Variants in CEP350 observed in about 807,000 individuals in gnomAD.
The protein encoded by CEP350 is centrosomal protein 350.
A neutral mutation model predicts 331.8 loss-of-function variants in CEP350; 126 were observed. That is an observed-to-expected ratio of 0.38 (90% CI 0.33 to 0.44). The LOEUF (loss-of-function observed/expected upper bound fraction) is 0.44, where lower values mean the gene tolerates loss of function less well. Among genes scored for constraint, CEP350 ranks in the 20% least tolerant of loss-of-function variants. The pLI is 1.00. For missense variants in CEP350, 3,406 were observed against 3,634.6 expected, an observed-to-expected ratio of 0.94 and a Z score of 1.62; for synonymous variants, 1,200 against 1,259.5, an observed-to-expected ratio of 0.95 and a Z score of 1.00.
intron 27 of CEP350, among the ~76,000 whole-genome samples, chr1:180,071,459 C>CAA (rs35037785): frequency 3.3e-4 from 25 of 76,190 alleles, no homozygotes; most frequent in African/African-American, 4.3e-4. Context: ...AACTCCATCT[C>CAA]AAAAAAAAAA....
chr1:179,992,340 C>G, intron 5 of CEP350, 119 bp downstream of exon 5: 2 of 711,502 alleles, frequency 2.8e-6, no homozygotes, highest in Non-Finnish European at 4.0e-6. Flanking sequence ...GTATAATACT[C>G]TAATATTACT....
rs770988896 is a variant in CEP350 at position 179,972,870 on chromosome 1, C to CT, written c.-13-13283dup. On this transcript the variant is annotated intron_variant, in intron 1 of 37. Coordinates refer to ENST00000367607, the MANE Select transcript of CEP350 (RefSeq NM_014810.5). ...CTAAATGGACACTGAGTGTATTTAA[C>CT]TTTTTTTTTTTTTTTTGAAACAGAG... Among the ~76,000 whole-genome samples the CT allele has an allele frequency of 2.7e-3, 365 of 136,888 alleles. 1 individual carries two copies. Among genetic ancestry groups the CT allele is most frequent in the Middle Eastern group, 4.0e-3 (1 of 248 alleles). 89.8% of individuals were successfully genotyped at this position (136,888 alleles called of 152,430 possible). A position where few individuals can be genotyped will look rare whatever the true frequency, so the allele number is the denominator to read the frequency against.
rs374010214 is a variant in CEP350, at chr1:180,043,014, C to A, written c.4363-42C>A. On this transcript the variant is annotated intron_variant, in intron 19 of 37. Transcript: ENST00000367607. ...GCTCCTTCTCAGTTCTCTGACCTTACGTTTTAATACATTTGCCTTTCTTGT... is the reference window on the plus strand; with the variant it reads ...GCTCCTTCTCAGTTCTCTGACCTTAAGTTTTAATACATTTGCCTTTCTTGT... 4 of 1,581,932 alleles carry A rather than the reference C, an allele frequency of 2.5e-6. No homozygotes were observed. In the African/African-American group the frequency reaches 4.1e-5, roughly 16 times the overall value.
At chr1:179,963,677 A>G (rs1160283352) in intron 1 of CEP350, among the ~76,000 whole-genome samples, 3 of 151,824 alleles carry the variant, frequency 2.0e-5, no homozygotes, top group Non-Finnish European at 2.9e-5. Flanking sequence ...TGGGTTCTCT[A>G]TTCTGTTACA....
intron 17 of CEP350, among the ~76,000 whole-genome samples, chr1:180,037,927 G>A (rs930053060): frequency 6.6e-6 from 1 of 152,176 alleles, no homozygotes; most frequent in African/African-American, 2.4e-5. Flanking sequence ...GGGATTACAG[G>A]TGTGAGCCAC....
intron 3 of CEP350, among the ~76,000 whole-genome samples, chr1:179,987,636 A>G (rs1336337787): frequency 6.6e-6 from 1 of 151,782 alleles, no homozygotes; most frequent in Admixed American, 6.6e-5. Flanking sequence ...CATATAAACT[A>G]TTAAAATTGG....
chr1:179,995,580 G>T (rs1474149791), intron 5 of CEP350, among the ~76,000 whole-genome samples: 1 of 152,284 alleles, frequency 6.6e-6, no homozygotes, highest in East Asian at 1.9e-4. Context: ...CTCCAGCCTG[G>T]GTGACAGAAT....
At chr1:180,055,546 C>CTTTTTTTT (rs71118430) in intron 25 of CEP350, among the ~76,000 whole-genome samples, 6 of 87,474 alleles carry the variant, frequency 6.9e-5, no homozygotes, top group East Asian at 3.8e-4. Flanking sequence ...TGAATTCCAT[C>CTTTTTTTT]TTTTTTTTTT....
At chr1:180,081,630 C>T (rs1659571026) in intron 30 of CEP350, among the ~76,000 whole-genome samples, 1 of 152,224 alleles carries the variant, frequency 6.6e-6, no homozygotes, top group Non-Finnish European at 1.5e-5. Context: ...TGTAGCCTTA[C>T]TGCACTCTCA....
chr1:179,988,583 C>G (rs751827431), intron 3 of CEP350, among the ~76,000 whole-genome samples: 1 of 151,968 alleles, frequency 6.6e-6, no homozygotes. Flanking sequence ...TATGGGCAAC[C>G]TGTTCCCATT....
chr1:180,027,976 A>G (rs2148864994), intron 14 of CEP350, among the ~76,000 whole-genome samples: 1 of 152,344 alleles, frequency 6.6e-6, no homozygotes, highest in Middle Eastern at 3.4e-3. Context: ...TTTTTAAATC[A>G]TTAACCTAAT....
intron 3 of CEP350, among the ~76,000 whole-genome samples, chr1:179,989,408 A>C (rs574027653): frequency 1.3e-5 from 2 of 150,700 alleles, no homozygotes; most frequent in South Asian, 2.1e-4. Context: ...GCTTGAGCCC[A>C]GGAGGCAGAG....
At chr1:179,968,921 C>T (rs1473421300) in intron 1 of CEP350, 2 of 756,984 alleles carry the variant, frequency 2.6e-6, no homozygotes, top group African/African-American at 1.7e-5. Flanking sequence ...AAGTTTGCTG[C>T]TGCCACTGGA....
chr1:180,050,027 T>C lies in CEP350; in HGVS notation c.4792+1322T>C, dbSNP rs1327704846. Among the ~76,000 whole-genome samples the C allele has an allele frequency of 2.0e-5, 3 of 152,166 alleles. No individual in the cohort carries two copies. In the South Asian group the frequency reaches 6.2e-4, roughly 32 times the overall value. On this transcript the variant is annotated intron_variant, in intron 22 of 37. Coordinates refer to ENST00000367607, the MANE Select transcript of CEP350 (RefSeq NM_014810.5). Reference sequence around the variant, plus strand: ...CAGAGCATGGAGCCCAGTGGTCTTCTTGAGTTGAGGAAATGGAGTTAGGAA... The same window carrying C: ...CAGAGCATGGAGCCCAGTGGTCTTCCTGAGTTGAGGAAATGGAGTTAGGAA...
intron 11 of CEP350, among the ~76,000 whole-genome samples, chr1:180,018,711 C>A (rs1347127861): frequency 1.3e-5 from 2 of 152,138 alleles, no homozygotes; most frequent in Non-Finnish European, 2.9e-5. Flanking sequence ...AAAATAAATT[C>A]ATCTCATAAT....
In CEP350 at chr1:180,044,471, G is replaced by C. The variant is rs182457768; in HGVS notation, c.4622+298G>C. ...TATCCTTATAGGTTAGAAAACTGAG[G>C]CTCATGGAGATGTTACTATGCAGCC... is the stretch of plus-strand genomic sequence containing the variant. On this transcript the variant is annotated intron_variant, in intron 21 of 37. Coordinates refer to ENST00000367607, the MANE Select transcript of CEP350 (RefSeq NM_014810.5). 1.0e-3 allele frequency among the ~76,000 whole-genome samples: 159 copies of C among 152,058 alleles called. 1 individual carries two copies. The highest frequency in any genetic ancestry group is 3.6e-3 in the African/African-American group (150 of 41,456).
intron 26 of CEP350, among the ~76,000 whole-genome samples, chr1:180,062,893 A>T (rs1461550954): frequency 6.6e-6 from 1 of 152,216 alleles, no homozygotes; most frequent in Admixed American, 6.5e-5. Flanking sequence ...CAAACATTCA[A>T]ACCGTAGCAA....
intron 15 of CEP350, 90 bp from the exon 16 acceptor site, chr1:180,033,772 G>GT (rs1267445582): frequency 3.8e-6 from 5 of 1,325,914 alleles, no homozygotes; most frequent in African/African-American, 1.5e-5. Context: ...AATGTTGATA[G>GT]TTTTTTTATA....
intron 22 of CEP350, among the ~76,000 whole-genome samples, chr1:180,048,918 A>C (rs1466158748): frequency 6.6e-6 from 1 of 152,162 alleles, no homozygotes; most frequent in Non-Finnish European, 1.5e-5. Context: ...AAAAAATTAA[A>C]AATTAGCCAG....
Sources: gnomAD v4.1 joint callset for allele counts (sites outside exome capture counted in the v4.1 genomes callset) on GRCh38, gnomAD v4.1.1 for gene constraint, MANE v1.5 for transcripts, NCBI Gene and HGNC (gene_info 2026-07-23, HGNC 2026-07-21) for gene names.